Variants in TRAF3 observed in about 807,000 individuals in gnomAD.
TRAF3 encodes the protein TNF receptor-associated factor 3.
Under a neutral mutation model 62.3 loss-of-function variants are expected in TRAF3, and 13 were observed. That is an observed-to-expected ratio of 0.21 (90% CI 0.14 to 0.33). The LOEUF (loss-of-function observed/expected upper bound fraction) is 0.33. Ranked by LOEUF, TRAF3 falls within the 10% of genes least tolerant of loss-of-function variation. The probability of loss-of-function intolerance (pLI) is 1.00; values close to 1 mark genes in which losing one functional copy is unlikely to be tolerated. For missense variants in TRAF3, 440 were observed against 741.8 expected (o/e 0.59, Z 4.73); for synonymous variants, 269 against 283.4 (o/e 0.95, Z 0.51).
chr14:102,866,892 CAA>C (rs1491305083), intron 2 of TRAF3, among the ~76,000 whole-genome samples: 2 of 146,486 alleles, frequency 1.4e-5, no homozygotes, highest in Non-Finnish European at 3.0e-5. Context: ...CACACACACA[CAA>C]AACAATGACA....
At chr14:102,897,785 G>T (rs940581361) in intron 10 of TRAF3, among the ~76,000 whole-genome samples, 3 of 152,338 alleles carry the variant, frequency 2.0e-5, no homozygotes, top group African/African-American at 4.8e-5. Context: ...GTGAGGTGCT[G>T]TGCAGCCCAG....
In TRAF3 at chr14:102,886,169, A is replaced by G. The variant is rs1889371071; in HGVS notation, c.571-20A>G. The stretch of plus-strand genomic sequence containing the variant: ...GACAGGTTGTGTGTTTAAAGTTGAT[A>G]GTACTTTCTCTCTCTGTAGAAACAC... On this transcript the variant is annotated intron_variant, in intron 6 of 11. Coordinates refer to ENST00000392745, the MANE Select transcript of TRAF3 (RefSeq NM_145725.3). 1 of 1,611,722 alleles carries G rather than the reference A, an allele frequency of 6.2e-7. No individual in the cohort carries two copies. Among genetic ancestry groups the G allele is most frequent in the Non-Finnish European group, 8.5e-7 (1 of 1,178,384 alleles).
At chr14:102,856,955 G>C (rs139371556) in intron 2 of TRAF3, among the ~76,000 whole-genome samples, 1 of 152,214 alleles carries the variant, frequency 6.6e-6, no homozygotes, top group Non-Finnish European at 1.5e-5. Flanking sequence ...TAAGTGTTCA[G>C]TTTAAGAAAA....
At chr14:102,819,891 C>A (rs971424756) in intron 1 of TRAF3, among the ~76,000 whole-genome samples, 5 of 152,238 alleles carry the variant, frequency 3.3e-5, no homozygotes, top group Non-Finnish European at 7.3e-5. Flanking sequence ...TATGAACATG[C>A]TTTCAGTTTT....
At chr14:102,864,956 GT>G (rs1027192542) in intron 2 of TRAF3, among the ~76,000 whole-genome samples, 1 of 152,354 alleles carries the variant, frequency 6.6e-6, no homozygotes, top group South Asian at 2.1e-4. Flanking sequence ...TGTCTCCAGT[GT>G]TGGTTTTCCT....
chr14:102,871,820 T>G, intron 3 of TRAF3, 97 bp from the exon 4 acceptor site: 1 of 1,132,934 alleles, frequency 8.8e-7, no homozygotes, highest in East Asian at 2.3e-5. Flanking sequence ...TGAGCCACTG[T>G]GCAGACCTGA....
rs1595418148 is a variant in TRAF3 at position 102,906,078 on chromosome 14, A to G, written c.*294A>G. On this transcript the variant is annotated 3_prime_UTR_variant, in exon 12 of 12. Transcript: ENST00000392745. ...GATCTAGTTAATTAAGGTGGAAAACATATATGCTAAACAAAAGAAACATGA... is the reference window on the plus strand; with the variant it reads ...GATCTAGTTAATTAAGGTGGAAAACGTATATGCTAAACAAAAGAAACATGA... The G allele has an allele frequency of 3.1e-6, 1 of 325,292 alleles. No individual in the cohort carries two copies. Among genetic ancestry groups the G allele is most frequent in the Non-Finnish European group, 5.6e-6 (1 of 177,000 alleles). 20.2% of individuals were successfully genotyped at this position (325,292 alleles called of 1,614,324 possible).
Position 102,877,814 on chromosome 14 carries a change from A to G in TRAF3, c.570+1289A>G, listed in dbSNP as rs147018892. The stretch of plus-strand genomic sequence containing the variant: ...ATTCCACAGGCCTTCCGCTCAGCTC[A>G]TAGGTAATCCCTTCCGCAGGCCCTC... On this transcript the variant is annotated intron_variant, in intron 6 of 11. Coordinates refer to ENST00000392745, the MANE Select transcript of TRAF3 (RefSeq NM_145725.3). Among the ~76,000 whole-genome samples the G allele has an allele frequency of 1.3e-3, 192 of 149,924 alleles. 1 individual carries two copies. Among genetic ancestry groups the G allele is most frequent in the Admixed American group, 2.7e-3 (40 of 15,052 alleles).
intron 1 of TRAF3, among the ~76,000 whole-genome samples, chr14:102,819,404 C>T (rs887567233): frequency 2.6e-5 from 4 of 152,226 alleles, no homozygotes; most frequent in African/African-American, 9.7e-5. Flanking sequence ...GTCTTCCCCT[C>T]CATGAGGGCA....
At chr14:102,779,434 GT>G (rs1288455595) in intron 1 of TRAF3, among the ~76,000 whole-genome samples, 2 of 152,102 alleles carry the variant, frequency 1.3e-5, no homozygotes, top group Non-Finnish European at 2.9e-5. Flanking sequence ...GAAACAGGCA[GT>G]AACAGTGGCC....
intron 1 of TRAF3, among the ~76,000 whole-genome samples, chr14:102,786,929 G>A (rs948788113): frequency 1.3e-5 from 2 of 151,738 alleles, no homozygotes; most frequent in Admixed American, 1.3e-4. Context: ...AGGAGGTCGA[G>A]GCTACAGTGA....
chr14:102,806,030 T>G, intron 1 of TRAF3, among the ~76,000 whole-genome samples: 1 of 140,166 alleles, frequency 7.1e-6, no homozygotes, highest in Non-Finnish European at 1.5e-5. Context: ...GGGGGTGGGG[T>G]GCAGTTTCGT....
intron 2 of TRAF3, among the ~76,000 whole-genome samples, chr14:102,840,668 T>C (rs972230252): frequency 6.6e-6 from 1 of 152,234 alleles, no homozygotes; most frequent in Non-Finnish European, 1.5e-5. Context: ...ATTTTTTCAT[T>C]AATTTTGATT....
intron 3 of TRAF3, among the ~76,000 whole-genome samples, chr14:102,870,888 T>G (rs1413052600): frequency 6.6e-6 from 1 of 152,226 alleles, no homozygotes; most frequent in Non-Finnish European, 1.5e-5. Context: ...CTAGGCCGCA[T>G]GCTTACTCAG....
At chr14:102,900,328 C>G (rs868799171) in intron 10 of TRAF3, among the ~76,000 whole-genome samples, 25 of 152,190 alleles carry the variant, frequency 1.6e-4, no homozygotes, top group African/African-American at 4.8e-4. Flanking sequence ...TGGCGAAACC[C>G]CGTCTCTACT....
At chr14:102,808,708 C>T (rs1898926446) in intron 1 of TRAF3, among the ~76,000 whole-genome samples, 1 of 152,094 alleles carries the variant, frequency 6.6e-6, no homozygotes, top group Admixed American at 6.6e-5. Context: ...ATTAAAGGCA[C>T]ATTTTCAGTA....
At chr14:102,795,034 A>C (rs1253871904) in intron 1 of TRAF3, among the ~76,000 whole-genome samples, 1 of 152,208 alleles carries the variant, frequency 6.6e-6, no homozygotes, top group Non-Finnish European at 1.5e-5. Flanking sequence ...CTTCATTGAG[A>C]AAATATAAGT....
chr14:102,878,136 T>C (rs1217750055), intron 6 of TRAF3, among the ~76,000 whole-genome samples: 1 of 152,216 alleles, frequency 6.6e-6, no homozygotes, highest in Non-Finnish European at 1.5e-5. Flanking sequence ...GGTAAAATTT[T>C]TATCTTGTCC....
intron 1 of TRAF3, among the ~76,000 whole-genome samples, chr14:102,808,037 AGGAATGCATGGAT>A (rs1416442143): frequency 6.6e-6 from 1 of 152,220 alleles, no homozygotes; most frequent in Non-Finnish European, 1.5e-5. Flanking sequence ...TTAGAGGTGA[AGGAATGCATGGAT>A]GGAATGCATG....
Sources: gnomAD v4.1 joint callset for allele counts (sites outside exome capture counted in the v4.1 genomes callset) on GRCh38, gnomAD v4.1.1 for gene constraint, MANE v1.5 for transcripts, NCBI Gene and HGNC (gene_info 2026-07-23, HGNC 2026-07-21) for gene names.